The following XKR6 variants were observed in gnomAD, a reference collection of about 807,000 sequenced individuals.
XKR6 encodes XK related 6.
A neutral mutation model predicts 56.7 loss-of-function variants in XKR6; 22 were observed. The ratio of observed to expected loss-of-function variants is 0.39; its 90% CI spans 0.28 to 0.55. The LOEUF (loss-of-function observed/expected upper bound fraction) is 0.55, where lower values mean the gene tolerates loss of function less well. Ranked by LOEUF, XKR6 falls within the 20% of genes least tolerant of loss-of-function variation. The pLI, the probability that XKR6 is intolerant of heterozygous loss-of-function variation, is 0.66. For missense variants in XKR6, 852 were observed against 889.0 expected, an observed-to-expected ratio of 0.96 and a Z score of 0.53; for synonymous variants, 524 against 387.8, an observed-to-expected ratio of 1.35 and a Z score of -4.13.
At chr8:10,933,556 T>A (rs1178114929) in intron 1 of XKR6, among the ~76,000 whole-genome samples, 7 of 115,526 alleles carry the variant, frequency 6.1e-5, no homozygotes, top group African/African-American at 2.4e-4. Flanking sequence ...CTTTAATCCA[T>A]CTTGAATTGA....
chr8:11,095,699 G>C (rs565456106), intron 1 of XKR6, among the ~76,000 whole-genome samples: 4 of 152,300 alleles, frequency 2.6e-5, no homozygotes, highest in African/African-American at 9.6e-5. Context: ...TCCTTTGTAA[G>C]TTTGTGGGCT....
chr8:11,127,933 AAGG>A (rs1554466646), intron 1 of XKR6, among the ~76,000 whole-genome samples: 7 of 152,202 alleles, frequency 4.6e-5, no homozygotes, highest in Non-Finnish European at 1.5e-5. Context: ...ACTGTTACCT[AAGG>A]AGGACATGGC....
At chr8:11,080,326 G>C (rs1797672292) in intron 1 of XKR6, among the ~76,000 whole-genome samples, 1 of 152,126 alleles carries the variant, frequency 6.6e-6, no homozygotes, top group African/African-American at 2.4e-5. Context: ...GCCAAATCAG[G>C]GAGGTGTCTT....
chr8:11,200,802 T>A lies in XKR6; in HGVS notation c.538A>T (p.Ser180Cys). The A allele has an allele frequency of 6.2e-7, 1 of 1,610,332 alleles. No individual in the cohort carries two copies. Among genetic ancestry groups the A allele is most frequent in the Non-Finnish European group, 8.5e-7 (1 of 1,178,930 alleles). ...TAGTCCTGCACGAACCAGCGGAAGC[T>A]CAGGCTCTGCACCAGCAGCGACGGC... ...LVPSLLVQSL[S>C]FRWFVQDYTG... is the part of the protein sequence containing the mutation. Residue 180 changes from serine to cysteine, a missense_variant, in exon 1 of 3, where the codon AGC (serine) becomes TGC (cysteine). Ser to Cys is a moderately radical substitution (Grantham distance 112). Transcript: ENST00000416569. This position sits in a 1 kb window ranked among gnomAD's most constrained non-coding sequence, Gnocchi z 6.4.
intron 1 of XKR6, among the ~76,000 whole-genome samples, chr8:11,178,072 T>C (rs543711711): frequency 6.6e-6 from 1 of 152,260 alleles, no homozygotes; most frequent in South Asian, 2.1e-4. Flanking sequence ...CAGGGCCTAG[T>C]GACCGGGTAG....
intron 1 of XKR6, among the ~76,000 whole-genome samples, chr8:11,029,845 CT>C (rs1284131829): frequency 6.6e-6 from 1 of 152,122 alleles, no homozygotes; most frequent in Non-Finnish European, 1.5e-5. Flanking sequence ...CAAAATCTCT[CT>C]TGGGTTCTTA....
chr8:11,031,800 C>T (rs1352987913), intron 1 of XKR6, among the ~76,000 whole-genome samples: 4 of 152,244 alleles, frequency 2.6e-5, no homozygotes, highest in Admixed American at 1.3e-4. Context: ...TCACATGGCC[C>T]TGCCTGTATC....
chr8:10,919,949 A>G (rs1328713998), intron 2 of XKR6, among the ~76,000 whole-genome samples: 5 of 152,232 alleles, frequency 3.3e-5, no homozygotes, highest in Non-Finnish European at 7.3e-5. Context: ...TATTACTATT[A>G]TTTCCCTTGA....
chr8:11,104,934 G>C (rs899788845), intron 1 of XKR6: 1 of 152,180 alleles, frequency 6.6e-6, no homozygotes, highest in African/African-American at 2.4e-5. Flanking sequence ...TTTCCAGAAA[G>C]AGTTCTCAGT....
intron 2 of XKR6, among the ~76,000 whole-genome samples, chr8:10,913,383 C>A (rs140693862): frequency 6.6e-6 from 1 of 152,014 alleles, no homozygotes; most frequent in Non-Finnish European, 1.5e-5. Flanking sequence ...AAATGAGGCT[C>A]ACAGAGGTTA....
chr8:11,126,463 T>A (rs1329149595), intron 1 of XKR6, among the ~76,000 whole-genome samples: 1 of 152,086 alleles, frequency 6.6e-6, no homozygotes, highest in Non-Finnish European at 1.5e-5. Flanking sequence ...CTTGAATTTT[T>A]TTTTTTAAGT....
chr8:11,078,569 G>A (rs1029325130), intron 1 of XKR6, among the ~76,000 whole-genome samples: 12 of 152,196 alleles, frequency 7.9e-5, no homozygotes, highest in African/African-American at 1.4e-4. Flanking sequence ...GGGGAAGGAA[G>A]TGCAATGGGG....
At chr8:11,102,755 T>C (rs1012065406) in intron 1 of XKR6, among the ~76,000 whole-genome samples, 3 of 152,168 alleles carry the variant, frequency 2.0e-5, no homozygotes, top group Non-Finnish European at 4.4e-5. Context: ...AGAGTTAATG[T>C]GCAGTGCTCA....
intron 2 of XKR6, among the ~76,000 whole-genome samples, chr8:10,908,985 C>G (rs973667543): frequency 2.0e-5 from 3 of 152,096 alleles, no homozygotes; most frequent in African/African-American, 7.2e-5. Context: ...GCCAACATGG[C>G]GAAACCGCAT....
intron 1 of XKR6, among the ~76,000 whole-genome samples, chr8:10,989,942 G>C (rs1369019606): frequency 6.6e-6 from 1 of 152,210 alleles, no homozygotes; most frequent in African/African-American, 2.4e-5. Flanking sequence ...CAGACGAAGT[G>C]TGTCATGCTT....
At chr8:11,081,980 G>A (rs2898260) in intron 1 of XKR6, among the ~76,000 whole-genome samples, 2 of 152,014 alleles carry the variant, frequency 1.3e-5, no homozygotes, top group Non-Finnish European at 2.9e-5. Context: ...TGCTCTTGTC[G>A]GCCTACCCTC....
intron 1 of XKR6, among the ~76,000 whole-genome samples, chr8:10,958,474 C>T (rs2129129484): frequency 6.6e-6 from 1 of 152,306 alleles, no homozygotes; most frequent in African/African-American, 2.4e-5. Flanking sequence ...CTACTCAGGG[C>T]AGGGGTCATC....
At chr8:10,939,841 G>A (rs1001009310) in intron 1 of XKR6, among the ~76,000 whole-genome samples, 3 of 152,224 alleles carry the variant, frequency 2.0e-5, no homozygotes, top group Non-Finnish European at 2.9e-5. Flanking sequence ...CTGCCTAGGA[G>A]GTTGTCAGGC....
In XKR6 at chr8:11,129,865, CA is replaced by C. The variant is rs1463347638; in HGVS notation, c.764+70710del. Among the ~76,000 whole-genome samples, 2 of 152,096 alleles carry C rather than the reference CA, an allele frequency of 1.3e-5. 1 individual carries two copies. Among genetic ancestry groups the C allele is most frequent in the African/African-American group, 4.8e-5 (2 of 41,380 alleles). ...TCACAATAAATGTGTGAAGACAATTCAATCTTCACTTTTTTAAAAACCAATC... is the reference window on the plus strand; with the variant it reads ...TCACAATAAATGTGTGAAGACAATTCATCTTCACTTTTTTAAAAACCAATC... On this transcript the variant is annotated intron_variant, in intron 1 of 2. Coordinates refer to ENST00000416569, the MANE Select transcript of XKR6 (RefSeq NM_173683.4).
Sources: gnomAD v4.1 joint callset for allele counts (sites outside exome capture counted in the v4.1 genomes callset) on GRCh38, gnomAD v4.1.1 for gene constraint, Gnocchi (gnomAD v3.1) non-coding constraint, MANE v1.5 for transcripts, NCBI Gene and HGNC (gene_info 2026-07-23, HGNC 2026-07-21) for gene names.